PGBD5: variants seen among roughly 807,000 people sequenced by gnomAD.
The protein encoded by PGBD5 is piggyBac transposable element derived 5, also known as piggyBac transposable element-derived protein 5.
A neutral mutation model predicts 47.9 loss-of-function variants in PGBD5; 14 were observed. The observed-to-expected ratio is 0.29, with a 90% CI of 0.19 to 0.46. The LOEUF (loss-of-function observed/expected upper bound fraction) is 0.46, where lower values mean the gene tolerates loss of function less well. PGBD5 is among the 20% of genes least tolerant of loss of function. PGBD5 has a pLI of 1.00. For missense variants in PGBD5, 635 were observed against 716.0 expected (o/e 0.89, Z 1.29); for synonymous variants, 316 against 306.3 (o/e 1.03, Z -0.33).
intron 1 of PGBD5, among the ~76,000 whole-genome samples, chr1:230,407,828 A>G (rs1274373842): frequency 6.6e-6 from 1 of 152,258 alleles, no homozygotes. Flanking sequence ...AGTAAAAATT[A>G]TAATCGGGGC....
chr1:230,344,479 T>C (rs888569268), intron 3 of PGBD5, among the ~76,000 whole-genome samples: 1 of 152,202 alleles, frequency 6.6e-6, no homozygotes, highest in Non-Finnish European at 1.5e-5. Flanking sequence ...GCATGTGAAG[T>C]GCTTAAGCAC....
chr1:230,404,547 C>A (rs1657222042), intron 1 of PGBD5, among the ~76,000 whole-genome samples: 1 of 148,200 alleles, frequency 6.7e-6, no homozygotes, highest in South Asian at 2.1e-4. Context: ...GAGGCTGAGG[C>A]TGCAGTGGGC....
chr1:230,336,699 C>T (rs1312792917), intron 4 of PGBD5, among the ~76,000 whole-genome samples: 1 of 152,224 alleles, frequency 6.6e-6, no homozygotes, highest in African/African-American at 2.4e-5. Flanking sequence ...CCTGTCTTCA[C>T]ACAATTCTTG....
intron 1 of PGBD5, among the ~76,000 whole-genome samples, chr1:230,396,639 A>C (rs1339071241): frequency 7.1e-6 from 1 of 140,148 alleles, no homozygotes; most frequent in Non-Finnish European, 1.5e-5. Context: ...AGACACACCT[A>C]TCCTGAGGCA....
chr1:230,378,492 T>A (rs1039843307), intron 1 of PGBD5, among the ~76,000 whole-genome samples: 5 of 152,278 alleles, frequency 3.3e-5, no homozygotes, highest in Admixed American at 3.3e-4. Context: ...GAGCATGCCT[T>A]TAGGGTCTGG....
chr1:230,425,558 C>A lies in PGBD5; in HGVS notation c.331+40G>T. ...CCCACGCCTCCCCCGCGCCCGGTTC[C>A]AGCGCCGCCCCCGACATCCACCCGC... On this transcript the variant is annotated intron_variant, in intron 1 of 6. Coordinates refer to ENST00000391860, the MANE Select transcript of PGBD5 (RefSeq NM_001258311.2). This position sits in a 1 kb window ranked among gnomAD's most constrained non-coding sequence, Gnocchi z 4.7. The A allele has an allele frequency of 8.2e-7, 1 of 1,212,474 alleles. No homozygotes were observed. The highest frequency in any genetic ancestry group is 1.6e-5 in the African/African-American group (1 of 63,626). 75.1% of individuals were successfully genotyped at this position (1,212,474 alleles called of 1,614,324 possible).
chr1:230,350,084 G>A (rs1211424384), intron 3 of PGBD5, among the ~76,000 whole-genome samples: 1 of 152,238 alleles, frequency 6.6e-6, no homozygotes, highest in Non-Finnish European at 1.5e-5. Flanking sequence ...AAAGATGGAA[G>A]TGCAAAAACC....
At chr1:230,416,091 G>GT (rs1180516342) in intron 1 of PGBD5, among the ~76,000 whole-genome samples, 1 of 152,220 alleles carries the variant, frequency 6.6e-6, no homozygotes, top group East Asian at 1.9e-4. Context: ...TGGCTTCCCT[G>GT]TAAATTCCTC....
intron 1 of PGBD5, among the ~76,000 whole-genome samples, chr1:230,420,656 T>C (rs1174040167): frequency 6.6e-6 from 1 of 152,180 alleles, no homozygotes; most frequent in Non-Finnish European, 1.5e-5. Context: ...CCATGTAAGA[T>C]GTGACTTGCT....
intron 3 of PGBD5, among the ~76,000 whole-genome samples, chr1:230,339,075 G>A (rs1558193784): frequency 2.6e-5 from 4 of 152,222 alleles, no homozygotes; most frequent in Admixed American, 1.3e-4. Flanking sequence ...CAGGAAGCCT[G>A]TATCTTTGAG....
At chr1:230,363,287 A>G (rs1300512265) in intron 1 of PGBD5, among the ~76,000 whole-genome samples, 1 of 152,178 alleles carries the variant, frequency 6.6e-6, no homozygotes, top group African/African-American at 2.4e-5. Flanking sequence ...ATCAGGAAGA[A>G]AAGGATGGCT....
intron 1 of PGBD5, among the ~76,000 whole-genome samples, chr1:230,394,209 C>A (rs1215835525): frequency 6.6e-6 from 1 of 151,926 alleles, no homozygotes; most frequent in Non-Finnish European, 1.5e-5. Flanking sequence ...GCCTGAGGAC[C>A]AGGGCAAAGC....
chr1:230,345,346 C>T (rs1457527302), intron 3 of PGBD5, among the ~76,000 whole-genome samples: 1 of 152,158 alleles, frequency 6.6e-6, no homozygotes, highest in African/African-American at 2.4e-5. Flanking sequence ...GAACTCCAAT[C>T]GCTCAATTAG....
chr1:230,326,284 G>A (rs1363347111), intron 5 of PGBD5, among the ~76,000 whole-genome samples: 1 of 152,178 alleles, frequency 6.6e-6, no homozygotes, highest in African/African-American at 2.4e-5. Flanking sequence ...TGGGCACGGT[G>A]GCAGGCGCCT....
At chr1:230,373,207 G>T in intron 1 of PGBD5, among the ~76,000 whole-genome samples, 1 of 152,158 alleles carries the variant, frequency 6.6e-6, no homozygotes, top group East Asian at 1.9e-4. Flanking sequence ...AAACCACTCT[G>T]TGCAGGTGCA....
At position 230,332,951 on chromosome 1, in the gene PGBD5, G is replaced by A. The variant is rs1667244955; in HGVS notation, c.1166C>T (p.Ala389Val). The A allele has an allele frequency of 3.7e-6, 6 of 1,614,054 alleles. No individual in the cohort carries two copies. Among genetic ancestry groups the A allele is most frequent in the Non-Finnish European group, 5.1e-6 (6 of 1,180,002 alleles). ...CATCTTGATTTGGTACTGGCCCCGG[G>A]CCGGGGGTGTGGCTGGGTTGGTCAG... ...SMLTNPATPP[A>V]RGQYQIKMKG... The change falls in exon 5 of 7, where the codon GCC (alanine) becomes GTC (valine). Residue 389 changes from alanine (A) to valine (V), a missense_variant. By Grantham distance (64) the Ala-to-Val change is moderately conservative (BLOSUM62 0). Transcript: ENST00000391860.
chr1:230,317,101 A>C lies in PGBD5; in HGVS notation c.*6324T>G, dbSNP rs1666962433. Reference sequence around the variant, plus strand: ...AGCAATGGTGACTGCCACCTCCCCCACACGGGGTCTCGGCCTCTGGCTGGA... The same window carrying C: ...AGCAATGGTGACTGCCACCTCCCCCCCACGGGGTCTCGGCCTCTGGCTGGA... On this transcript the variant is annotated 3_prime_UTR_variant, in exon 7 of 7. Transcript: ENST00000391860. 6.6e-6 allele frequency: 1 copy of C among 152,292 alleles called. No individual in the cohort carries two copies. 9.4% of individuals were successfully genotyped at this position (152,292 alleles called of 1,614,324 possible). A position where few individuals can be genotyped will look rare whatever the true frequency, so the allele number is the denominator to read the frequency against.
At chr1:230,326,782 A>C (rs1667124351) in intron 5 of PGBD5, among the ~76,000 whole-genome samples, 1 of 152,158 alleles carries the variant, frequency 6.6e-6, no homozygotes, top group African/African-American at 2.4e-5. Context: ...GCCAAAAGGA[A>C]TTAGAGGCTC....
chr1:230,419,859 C>T (rs1342616462), intron 1 of PGBD5, among the ~76,000 whole-genome samples: 1 of 152,136 alleles, frequency 6.6e-6, no homozygotes, highest in Non-Finnish European at 1.5e-5. Context: ...GGCGTGGTTG[C>T]TCACACCTGT....
Sources: gnomAD v4.1 joint callset for allele counts (sites outside exome capture counted in the v4.1 genomes callset) on GRCh38, gnomAD v4.1.1 for gene constraint, Gnocchi (gnomAD v3.1) non-coding constraint, MANE v1.5 for transcripts, NCBI Gene and HGNC (gene_info 2026-07-23, HGNC 2026-07-21) for gene names.